The following ARSG variants were observed in gnomAD, a reference collection of about 807,000 sequenced individuals.
The protein encoded by ARSG is arylsulfatase G, also known as ASG.
ARSG carries 37 observed loss-of-function variants against 50.5 expected under a neutral mutation model. That is an observed-to-expected ratio of 0.73 (90% CI 0.56 to 0.96). The LOEUF (loss-of-function observed/expected upper bound fraction) is 0.96. Among genes scored for constraint, ARSG ranks in the 50% least tolerant of loss-of-function variants. ARSG has a pLI of 0.00. For synonymous variants in ARSG, 225 were observed against 254.6 expected (o/e 0.88, Z 1.11); for missense variants, 629 against 675.3 (o/e 0.93, Z 0.76).
chr17:68,315,694 G>A (rs769722320), intron 2 of ARSG, among the ~76,000 whole-genome samples: 18 of 152,122 alleles, frequency 1.2e-4, no homozygotes, highest in South Asian at 2.1e-4. Flanking sequence ...GTGCAGTGGC[G>A]CGATCTTGGC....
At chr17:68,357,733 C>T (rs1214499099) in intron 6 of ARSG, among the ~76,000 whole-genome samples, 1 of 152,160 alleles carries the variant, frequency 6.6e-6, no homozygotes, top group South Asian at 2.1e-4. Flanking sequence ...GTGGGGTCTA[C>T]AGTGAACCTG....
intron 2 of ARSG, among the ~76,000 whole-genome samples, chr17:68,337,087 C>T (rs954272746): frequency 2.6e-5 from 4 of 151,974 alleles, no homozygotes; most frequent in Admixed American, 6.6e-5. Context: ...GGGAGTGAAG[C>T]GTCTAGGCAG....
downstream of ARSG, chr17:68,421,886 C>A: frequency 6.2e-7 from 1 of 1,604,062 alleles, no homozygotes; most frequent in South Asian, 1.1e-5. Flanking sequence ...GGTGCATTAT[C>A]AACAGGTCTG....
chr17:68,281,121 G>T (rs2075680698), intron 1 of ARSG, among the ~76,000 whole-genome samples: 1 of 143,516 alleles, frequency 7.0e-6, no homozygotes. Context: ...AGGAGACTCT[G>T]CCTCCAAAAA....
chr17:68,396,397 G>C (rs7208111), intron 10 of ARSG, among the ~76,000 whole-genome samples: 13,692 of 152,134 alleles, frequency 0.09, 1,496 homozygotes, highest in African/African-American at 0.26. Context: ...AATGTCCCCT[G>C]TTTGCACTCT....
upstream of ARSG, among the ~76,000 whole-genome samples, chr17:68,288,718 A>G (rs1449838588): frequency 2.0e-5 from 3 of 152,228 alleles, no homozygotes; most frequent in East Asian, 5.8e-4. Flanking sequence ...CACTTGCTTT[A>G]ATCCTTCTAA....
At chr17:68,270,827 T>G in intron 1 of ARSG, 1 of 1,583,090 alleles carries the variant, frequency 6.3e-7, no homozygotes, top group African/African-American at 1.4e-5. Flanking sequence ...GTATTTTGTG[T>G]ATTTAAATTA....
the ARSG span, chr17:68,450,854 G>A: frequency 6.2e-7 from 1 of 1,614,100 alleles, no homozygotes. Flanking sequence ...CCACCAGGCT[G>A]CTGGAGAAGA....
At chr17:68,427,350 C>G, downstream of ARSG, 1 of 899,998 alleles carries the variant, frequency 1.1e-6, no homozygotes, top group Non-Finnish European at 1.8e-6. Context: ...CTGTGCTCAG[C>G]TCTGTGGGTT....
At chr17:68,330,366 G>A (rs1256571773) in intron 2 of ARSG, among the ~76,000 whole-genome samples, 1 of 152,164 alleles carries the variant, frequency 6.6e-6, no homozygotes, top group African/African-American at 2.4e-5. Context: ...CTGGACTGTG[G>A]TGTGAATGGT....
At chr17:68,394,103 C>A (rs141592000) in intron 9 of ARSG, among the ~76,000 whole-genome samples, 1,914 of 151,942 alleles carry the variant, frequency 0.013, 16 homozygotes, top group Middle Eastern at 0.034. Context: ...ACTGATCCAC[C>A]CACCTTGACC....
chr17:68,445,069 C>A, the ARSG span, among the ~76,000 whole-genome samples: 1 of 151,980 alleles, frequency 6.6e-6, no homozygotes, highest in Non-Finnish European at 1.5e-5. Flanking sequence ...TACATGCATG[C>A]ACCACCACAC....
intron 9 of ARSG, among the ~76,000 whole-genome samples, chr17:68,388,311 C>T (rs142405476): frequency 9.9e-4 from 150 of 152,196 alleles, no homozygotes; most frequent in East Asian, 2.5e-3. Flanking sequence ...CTGTCCTGTG[C>T]GCTTTATAGG....
the ARSG span, among the ~76,000 whole-genome samples, chr17:68,442,307 T>C: frequency 2.0e-5 from 3 of 151,732 alleles, no homozygotes; most frequent in Non-Finnish European, 4.4e-5. Context: ...CTACTAAAAA[T>C]ACAAAAAATT....
Position 68,378,589 on chromosome 17 carries a change from C to G in ARSG, c.983-6475C>G, listed in dbSNP as rs1039354354. Among the ~76,000 whole-genome samples, 1 of 152,138 alleles carries G rather than the reference C, an allele frequency of 6.6e-6. No homozygotes were observed. The highest frequency in any genetic ancestry group is 1.5e-5 in the Non-Finnish European group (1 of 68,022). ...AGAAGAAGGGCACGAGTCAGACACC[C>G]CTGCTGTCTCTGAGTCCACAGCCTG... On this transcript the variant is annotated intron_variant, in intron 8 of 11. Transcript: ENST00000621439. This position sits in a 1 kb window ranked among gnomAD's most constrained non-coding sequence, Gnocchi z 4.4.
intron 2 of ARSG, among the ~76,000 whole-genome samples, chr17:68,309,810 G>T (rs1311145715): frequency 1.3e-5 from 2 of 151,628 alleles, no homozygotes; most frequent in Non-Finnish European, 2.9e-5. Context: ...AGTGAGCTGA[G>T]ATCGCACCAC....
At chr17:68,354,424 A>AG (rs2078943661) in intron 5 of ARSG, among the ~76,000 whole-genome samples, 1 of 151,706 alleles carries the variant, frequency 6.6e-6, no homozygotes, top group South Asian at 2.1e-4. Context: ...AAAAAAAAAA[A>AG]AAAGAAAAAA....
chr17:68,447,295 A>G, the ARSG span, among the ~76,000 whole-genome samples: 4 of 152,214 alleles, frequency 2.6e-5, no homozygotes, highest in Non-Finnish European at 5.9e-5. Context: ...CATAAAATAT[A>G]TTTCCTCAGT....
chr17:68,302,220 C>T (rs574416312), intron 1 of ARSG, among the ~76,000 whole-genome samples: 3 of 152,220 alleles, frequency 2.0e-5, no homozygotes, highest in Non-Finnish European at 2.9e-5. Flanking sequence ...GGCTCGTGGC[C>T]GCCAGCCAGC....
Sources: allele counts gnomAD v4.1 joint callset (sites outside exome capture counted in the v4.1 genomes callset), GRCh38; gene constraint gnomAD v4.1.1; non-coding constraint Gnocchi (gnomAD v3.1); transcripts MANE v1.5; gene names NCBI Gene and HGNC (gene_info 2026-07-23, HGNC 2026-07-21).